IFT43: variants seen among roughly 807,000 people sequenced by gnomAD.
The protein encoded by IFT43 is intraflagellar transport protein 43 homolog.
Under a neutral mutation model 32.3 loss-of-function variants are expected in IFT43, and 33 were observed. The ratio of observed to expected loss-of-function variants is 1.02; its 90% CI spans 0.77 to 1.37. IFT43 has a LOEUF of 1.37. IFT43 is among the 40% of genes most tolerant of loss of function. The pLI is 0.00. For synonymous variants in IFT43, 93 were observed against 98.2 expected, an observed-to-expected ratio of 0.95 and a Z score of 0.31; for missense variants, 274 against 265.9, an observed-to-expected ratio of 1.03 and a Z score of -0.21.
intron 5 of IFT43, among the ~76,000 whole-genome samples, chr14:76,064,548 A>C (rs552160260): frequency 2.6e-5 from 4 of 152,212 alleles, no homozygotes; most frequent in African/African-American, 4.8e-5. Context: ...TTGAACCGGC[A>C]TGAGGGAGAG....
intron 3 of IFT43, among the ~76,000 whole-genome samples, chr14:76,055,339 C>A (rs1253452688): frequency 6.6e-6 from 1 of 150,694 alleles, no homozygotes; most frequent in Non-Finnish European, 1.5e-5. Flanking sequence ...GAGTGAGACC[C>A]TGTCTCTAAA....
intron 5 of IFT43, among the ~76,000 whole-genome samples, chr14:76,066,498 C>T (rs977556305): frequency 7.9e-5 from 12 of 152,234 alleles, no homozygotes; most frequent in Admixed American, 3.9e-4. Flanking sequence ...CAGTAGGAAT[C>T]ATATGTTACA....
chr14:76,070,975 G>A (rs906858794), intron 5 of IFT43, among the ~76,000 whole-genome samples: 2 of 152,014 alleles, frequency 1.3e-5, no homozygotes, highest in African/African-American at 4.8e-5. Flanking sequence ...TGCAAGAATG[G>A]CCTAACACAC....
chr14:76,078,776 G>A (rs1330937885), intron 5 of IFT43, among the ~76,000 whole-genome samples: 3 of 152,186 alleles, frequency 2.0e-5, no homozygotes, highest in East Asian at 3.9e-4. Context: ...CCATGGTGCC[G>A]GGGGTGTCAC....
At chr14:76,053,400 T>C (rs2036951705) in intron 3 of IFT43, among the ~76,000 whole-genome samples, 1 of 152,058 alleles carries the variant, frequency 6.6e-6, no homozygotes, top group Non-Finnish European at 1.5e-5. Flanking sequence ...AGAGAGAAGC[T>C]GGGATGAAGA....
chr14:76,042,421 T>C (rs1357187074), intron 3 of IFT43, among the ~76,000 whole-genome samples: 5 of 152,194 alleles, frequency 3.3e-5, no homozygotes, highest in Admixed American at 1.3e-4. Context: ...TACAGCATCT[T>C]TGCCCGTGGT....
chr14:76,082,598 C>T lies in IFT43; in HGVS notation c.369-19C>T, dbSNP rs376366213. On this transcript the variant is annotated intron_variant, in intron 6 of 8. Transcript: ENST00000314067. ...GGTCCTGCCTGGGGTTCCCGCCTCTCGCTCTCTCTTTCCTTCAGCATCCAG... is the reference window on the plus strand; with the variant it reads ...GGTCCTGCCTGGGGTTCCCGCCTCTTGCTCTCTCTTTCCTTCAGCATCCAG... 120 of 1,614,006 alleles carry T rather than the reference C, an allele frequency of 7.4e-5. No individual in the cohort carries two copies. The highest frequency in any genetic ancestry group is 6.6e-4 in the Middle Eastern group (4 of 6,080).
intron 5 of IFT43, among the ~76,000 whole-genome samples, chr14:76,065,224 G>A (rs2140067215): frequency 6.6e-6 from 1 of 152,252 alleles, no homozygotes; most frequent in Non-Finnish European, 1.5e-5. Flanking sequence ...CTGCTGTCAT[G>A]CCCCAGTGTC....
intron 2 of IFT43, among the ~76,000 whole-genome samples, chr14:75,996,481 T>C (rs936647468): frequency 3.3e-4 from 50 of 152,230 alleles, no homozygotes; most frequent in African/African-American, 1.1e-3. Flanking sequence ...GAATGTATTA[T>C]CAATTTATCC....
chr14:76,059,609 A>G (rs928597800), intron 5 of IFT43: 1 of 532,050 alleles, frequency 1.9e-6, no homozygotes, highest in Non-Finnish European at 3.4e-6. Flanking sequence ...CCAAAGCATC[A>G]CTTCCCCTGA....
chr14:76,019,916 T>C (rs2036258690), intron 2 of IFT43, among the ~76,000 whole-genome samples: 1 of 152,126 alleles, frequency 6.6e-6, no homozygotes, highest in Non-Finnish European at 1.5e-5. Context: ...TTCTTTTTTA[T>C]GATGTTTATC....
At chr14:76,082,432 T>C (rs2037528447) in intron 6 of IFT43, 65 bp downstream of exon 6, 1 of 1,194,776 alleles carries the variant, frequency 8.4e-7, no homozygotes, top group Admixed American at 1.7e-5. Context: ...CCAGATATCA[T>C]CTATAGTGGA....
At chr14:76,020,871 G>A (rs1290021909) in intron 2 of IFT43, among the ~76,000 whole-genome samples, 1 of 152,152 alleles carries the variant, frequency 6.6e-6, no homozygotes, top group Non-Finnish European at 1.5e-5. Flanking sequence ...GCCGGGGGTG[G>A]CAGTGGTGGG....
chr14:76,058,946 C>A (rs1270976140), intron 4 of IFT43: 2 of 1,440,054 alleles, frequency 1.4e-6, no homozygotes, highest in Non-Finnish European at 1.8e-6. Context: ...ATGCCTTCTG[C>A]ATTATTGATA....
intron 3 of IFT43, among the ~76,000 whole-genome samples, chr14:76,043,663 A>G (rs1233382215): frequency 6.6e-6 from 1 of 152,196 alleles, no homozygotes; most frequent in African/African-American, 2.4e-5. Context: ...ACAATGTGGA[A>G]ACTGTTTTCT....
downstream of IFT43, chr14:76,083,819 AG>A (rs1187014882): frequency 4.6e-6 from 3 of 653,910 alleles, no homozygotes; most frequent in South Asian, 3.0e-5. Flanking sequence ...ACCAGCTGAT[AG>A]GAACTCAGAA....
At chr14:76,046,039 G>A (rs1332121591) in intron 3 of IFT43, among the ~76,000 whole-genome samples, 1 of 152,150 alleles carries the variant, frequency 6.6e-6, no homozygotes, top group East Asian at 1.9e-4. Context: ...GGGTGTGTAG[G>A]TAGTGCAGAA....
intron 3 of IFT43, among the ~76,000 whole-genome samples, chr14:76,057,078 C>G (rs1191355946): frequency 1.3e-5 from 2 of 152,118 alleles, no homozygotes; most frequent in Non-Finnish European, 2.9e-5. Flanking sequence ...TTGTTACACC[C>G]TGTTCTTCCA....
chr14:76,032,501 G>C (rs1229580809), intron 3 of IFT43, among the ~76,000 whole-genome samples: 2 of 152,006 alleles, frequency 1.3e-5, no homozygotes, highest in East Asian at 3.9e-4. Flanking sequence ...TCGCTCTGTG[G>C]TCCCCATTGC....
Sources: gnomAD v4.1 joint callset for allele counts (sites outside exome capture counted in the v4.1 genomes callset) on GRCh38, gnomAD v4.1.1 for gene constraint, MANE v1.5 for transcripts, NCBI Gene and HGNC (gene_info 2026-07-23, HGNC 2026-07-21) for gene names.